CYFIP1: variants seen among roughly 807,000 people sequenced by gnomAD.
The protein encoded by CYFIP1 is cytoplasmic FMR1-interacting protein 1.
A neutral mutation model predicts 163.5 loss-of-function variants in CYFIP1; 58 were observed. The ratio of observed to expected loss-of-function variants is 0.35; its 90% CI spans 0.29 to 0.44. The LOEUF is 0.44. Ranked by LOEUF, CYFIP1 falls within the 20% of genes least tolerant of loss-of-function variation. The pLI is 1.00. For synonymous variants in CYFIP1, 663 were observed against 660.7 expected (o/e 1.00, Z -0.05); for missense variants, 1,338 against 1,653.8 (o/e 0.81, Z 3.31).
In CYFIP1 at chr15:22,916,540, T is replaced by C. The variant is rs747771841; in HGVS notation, c.1765A>G (p.Ile589Val). 17 of 1,614,002 alleles carry C rather than the reference T, an allele frequency of 1.1e-5. No individual in the cohort carries two copies. Among genetic ancestry groups the C allele is most frequent in the South Asian group, 5.5e-5 (5 of 91,092 alleles). The change falls in exon 16 of 31, where the codon ATA becomes GTA. Residue 589 changes from isoleucine (I) to valine (V), a missense_variant. Ile to Val is a conservative substitution (Grantham distance 29, BLOSUM62 3). This residue lies in a region of CYFIP1 where 824 missense variants were observed against 995.7 expected (regional missense o/e 0.83). Transcript: ENST00000617928. ...TLRSSLEGPT[I>V]LDIEKFHRES... is the part of the protein sequence containing the mutation. ...CGATGAAATTTTTCTATGTCCAATA[T>C]GGTGGGCCCCTCAAGGCTACTTCTC...
In CYFIP1 at chr15:22,867,272, T is replaced by C. The variant is rs2059161715; in HGVS notation, c.*2756A>G. The stretch of plus-strand genomic sequence containing the variant: ...AGAGTTATCCCAATACATTATCCTG[T>C]GATTTACCTTACCTACAAAAGTGGC... On this transcript the variant is annotated 3_prime_UTR_variant, in exon 31 of 31. Coordinates refer to ENST00000617928, the MANE Select transcript of CYFIP1 (RefSeq NM_014608.6). 7.5e-6 allele frequency: 3 copies of C among 398,964 alleles called. No homozygotes were observed. The highest frequency in any genetic ancestry group is 2.1e-5 in the African/African-American group (1 of 48,622). 24.7% of individuals were successfully genotyped at this position (398,964 alleles called of 1,614,324 possible).
At chr15:22,953,947 T>C (rs1359735607) in intron 1 of CYFIP1, among the ~76,000 whole-genome samples, 1 of 152,038 alleles carries the variant, frequency 6.6e-6, no homozygotes, top group Non-Finnish European at 1.5e-5. Context: ...TCCCAGCTAC[T>C]CGGGAGGCTG....
chr15:22,979,311 G>A (rs941900890), intron 1 of CYFIP1, among the ~76,000 whole-genome samples: 3 of 152,160 alleles, frequency 2.0e-5, no homozygotes, highest in Admixed American at 6.5e-5. Context: ...CCGGGACTCT[G>A]CCGCCAAGCT....
At chr15:22,970,885 G>T (rs113541004) in intron 1 of CYFIP1, among the ~76,000 whole-genome samples, 5 of 151,854 alleles carry the variant, frequency 3.3e-5, no homozygotes, top group African/African-American at 1.2e-4. Flanking sequence ...GACCATCCTG[G>T]CTAACACGGT....
intron 22 of CYFIP1, among the ~76,000 whole-genome samples, chr15:22,895,236 G>A (rs1190769220): frequency 1.3e-5 from 2 of 152,036 alleles, no homozygotes; most frequent in Admixed American, 1.3e-4. Context: ...GGATGGTCTC[G>A]ATCTCCTGAC....
At chr15:22,871,285 G>C (rs7179447) in intron 30 of CYFIP1, among the ~76,000 whole-genome samples, 65,864 of 152,078 alleles carry the variant, frequency 0.43, 16,337 homozygotes, top group Non-Finnish European at 0.55. Flanking sequence ...ACAGAATATA[G>C]AATACATGAA....
At chr15:22,879,864 G>C (rs1488497713) in intron 26 of CYFIP1, 49 bp downstream of exon 26, 2 of 1,411,098 alleles carry the variant, frequency 1.4e-6, no homozygotes, top group South Asian at 2.5e-5. Context: ...CGGTGGGGTG[G>C]GGTGGGGTGG....
At chr15:22,918,088 C>T (rs556367296) in intron 14 of CYFIP1, among the ~76,000 whole-genome samples, 153 bp from the exon 15 acceptor site, 15 of 152,272 alleles carry the variant, frequency 9.9e-5, no homozygotes, top group African/African-American at 3.6e-4. Context: ...TGGTAATGGA[C>T]CAGCTCAACA....
intron 11 of CYFIP1, 68 bp downstream of exon 11, chr15:22,932,155 A>C (rs574363304): frequency 8.9e-7 from 1 of 1,121,998 alleles, no homozygotes; most frequent in East Asian, 2.5e-5. Context: ...AATTAAACCT[A>C]AGATTTGGGT....
At chr15:22,964,383 A>T (rs2062826069) in intron 1 of CYFIP1, among the ~76,000 whole-genome samples, 1 of 142,746 alleles carries the variant, frequency 7.0e-6, no homozygotes, top group African/African-American at 2.8e-5. Flanking sequence ...ACACACACAC[A>T]CACACACACA....
At chr15:22,927,226 T>G (rs2061383210) in intron 12 of CYFIP1, among the ~76,000 whole-genome samples, 1 of 151,976 alleles carries the variant, frequency 6.6e-6, no homozygotes. Flanking sequence ...AAGCCTGTAA[T>G]CCTAGCACTT....
chr15:22,898,350 TG>T (rs1207032475), intron 22 of CYFIP1, among the ~76,000 whole-genome samples: 2 of 152,034 alleles, frequency 1.3e-5, no homozygotes, highest in South Asian at 4.1e-4. Flanking sequence ...CTCCATGTCC[TG>T]GGTTCAAGCA....
intron 26 of CYFIP1, among the ~76,000 whole-genome samples, chr15:22,878,204 C>T (rs2059639606): frequency 6.6e-6 from 1 of 152,196 alleles, no homozygotes; most frequent in Non-Finnish European, 1.5e-5. Context: ...AATCCCCAAA[C>T]AGGGCAGAGC....
chr15:22,891,981 C>T (rs1330308523), intron 23 of CYFIP1, among the ~76,000 whole-genome samples: 2 of 152,210 alleles, frequency 1.3e-5, no homozygotes, highest in African/African-American at 4.8e-5. Context: ...TGATTGTCCC[C>T]GCTTCCTACA....
Position 22,914,873 on chromosome 15 carries a change from T to C in CYFIP1, c.1838A>G (p.Gln613Arg). ...CAGCTGCGAAAGGTCACAGCACTGC[T>C]GCAGCGTTTCTGGGAGGGTTCAAAC... ...THLINFSETL[Q>R]QCCDLSQLWF... Residue 613 changes from glutamine to arginine, a missense_variant, in exon 17 of 31, where the codon CAG becomes CGG. Coordinates refer to ENST00000617928, the MANE Select transcript of CYFIP1 (RefSeq NM_014608.6). 1 of 1,608,804 alleles carries C rather than the reference T, an allele frequency of 6.2e-7. No individual in the cohort carries two copies. Among genetic ancestry groups the C allele is most frequent in the African/African-American group, 1.3e-5 (1 of 74,596 alleles).
At chr15:22,936,909 C>A (rs1442427197) in intron 9 of CYFIP1, among the ~76,000 whole-genome samples, 195 bp downstream of exon 9, 1 of 152,150 alleles carries the variant, frequency 6.6e-6, no homozygotes, top group African/African-American at 2.4e-5. Flanking sequence ...AAGCTCCACC[C>A]AGGCAAAACC....
At position 22,882,989 on chromosome 15, in the gene CYFIP1, C is replaced by T; in HGVS notation, c.2699G>A (p.Ser900Asn). The change falls in exon 24 of 31, where the codon AGC (serine) becomes AAC (asparagine). Residue 900 changes from serine (S) to asparagine (N), a missense_variant. By Grantham distance (46) the Ser-to-Asn change is conservative. This residue lies in a region of CYFIP1 where 824 missense variants were observed against 995.7 expected (regional missense o/e 0.83). Coordinates refer to ENST00000617928, the MANE Select transcript of CYFIP1 (RefSeq NM_014608.6). ...GSKALNLAYSSIYGSYRNFVG... is the reference protein window; with the variant it reads ...GSKALNLAYSNIYGSYRNFVG... Reference sequence around the variant, plus strand: ...GAAGTTCCGGTAGCTGCCGTAAATGCTGGAGTAGGCCAAGTTCAAAGCCTG... The same window carrying T: ...GAAGTTCCGGTAGCTGCCGTAAATGTTGGAGTAGGCCAAGTTCAAAGCCTG... 6.2e-7 allele frequency: 1 copy of T among 1,613,886 alleles called. No individual in the cohort carries two copies. The highest frequency in any genetic ancestry group is 8.5e-7 in the Non-Finnish European group (1 of 1,179,858).
At chr15:22,909,406 C>A in intron 20 of CYFIP1, 93 bp from the exon 21 acceptor site, 1 of 1,517,912 alleles carries the variant, frequency 6.6e-7, no homozygotes, top group South Asian at 1.2e-5. Context: ...AGAAGCTGGT[C>A]TGTCAATAAC....
Position 22,869,396 on chromosome 15 carries a change from T to C in CYFIP1, c.*632A>G, listed in dbSNP as rs1483423935. The C allele has an allele frequency of 1.3e-5, 2 of 152,252 alleles. No homozygotes were observed. Among genetic ancestry groups the C allele is most frequent in the African/African-American group, 4.8e-5 (2 of 41,424 alleles). 9.4% of individuals were successfully genotyped at this position (152,252 alleles called of 1,614,324 possible). A position where few individuals can be genotyped will look rare whatever the true frequency, so the allele number is the denominator to read the frequency against. Reference sequence around the variant, plus strand: ...GACCTCCATCCCAGCTGGCCTGGTATGTGAGTTCAGGTTAGAGTTCCTTGC... The same window carrying C: ...GACCTCCATCCCAGCTGGCCTGGTACGTGAGTTCAGGTTAGAGTTCCTTGC... On this transcript the variant is annotated 3_prime_UTR_variant, in exon 31 of 31. Coordinates refer to ENST00000617928, the MANE Select transcript of CYFIP1 (RefSeq NM_014608.6).
Sources: gnomAD v4.1 joint callset for allele counts (sites outside exome capture counted in the v4.1 genomes callset) on GRCh38, gnomAD v4.1.1 for gene constraint, gnomAD v4.1.1 regional missense constraint, MANE v1.5 for transcripts, NCBI Gene and HGNC (gene_info 2026-07-23, HGNC 2026-07-21) for gene names.